The following SLC10A7 variants were observed in gnomAD, a reference collection of about 807,000 sequenced individuals.
SLC10A7 encodes sodium/bile acid cotransporter 7.
In SLC10A7, 29 loss-of-function variants were observed where a neutral mutation model predicts 43.2. That is an observed-to-expected ratio of 0.67 (90% CI 0.50 to 0.92). SLC10A7 has a LOEUF of 0.92. Among genes scored for constraint, SLC10A7 ranks in the 40% least tolerant of loss-of-function variants. SLC10A7 has a pLI of 0.00. For missense variants in SLC10A7, 295 were observed against 403.2 expected (o/e 0.73, Z 2.30); for synonymous variants, 152 against 144.8 (o/e 1.05, Z -0.35).
At chr4:146,275,055 C>T (rs915414814) in intron 10 of SLC10A7, among the ~76,000 whole-genome samples, 1 of 152,138 alleles carries the variant, frequency 6.6e-6, no homozygotes, top group African/African-American at 2.4e-5. Flanking sequence ...CTCTAGATGG[C>T]AATAATGAGT....
intron 4 of SLC10A7, among the ~76,000 whole-genome samples, chr4:146,495,776 C>T (rs901239602): frequency 7.3e-5 from 11 of 150,460 alleles, no homozygotes; most frequent in Admixed American, 7.3e-4. Flanking sequence ...AACACACACA[C>T]ACACACACAC....
At chr4:146,516,698 G>T (rs6815417) in intron 2 of SLC10A7, among the ~76,000 whole-genome samples, 119,318 of 151,814 alleles carry the variant, frequency 0.79, 47,244 homozygotes, top group East Asian at 0.95. Flanking sequence ...AAACCAAACT[G>T]AACATCAACA....
At chr4:146,472,226 C>A (rs1733628349) in intron 4 of SLC10A7, among the ~76,000 whole-genome samples, 1 of 152,022 alleles carries the variant, frequency 6.6e-6, no homozygotes, top group African/African-American at 2.4e-5. Flanking sequence ...TAAAACAAAT[C>A]AAGTTAAGCG....
chr4:146,320,743 T>G (rs1482349985), intron 6 of SLC10A7, among the ~76,000 whole-genome samples: 8 of 152,064 alleles, frequency 5.3e-5, no homozygotes. Context: ...TGCTAACATT[T>G]TTTTTGGACT....
intron 4 of SLC10A7, among the ~76,000 whole-genome samples, chr4:146,500,584 C>T (rs2150024953): frequency 6.6e-6 from 1 of 152,282 alleles, no homozygotes; most frequent in Non-Finnish European, 1.5e-5. Flanking sequence ...AAATATATTA[C>T]TCCAGCATAC....
intron 10 of SLC10A7, among the ~76,000 whole-genome samples, chr4:146,279,311 C>G (rs17021345): frequency 1.9e-4 from 29 of 151,946 alleles, no homozygotes; most frequent in Non-Finnish European, 3.2e-4. Context: ...ATATTGGAAC[C>G]CTAGATAAGC....
At chr4:146,475,782 A>G (rs1053861813) in intron 4 of SLC10A7, among the ~76,000 whole-genome samples, 70 of 152,346 alleles carry the variant, frequency 4.6e-4, no homozygotes, top group African/African-American at 1.6e-3. Context: ...CACGAACTAA[A>G]AAGATTTTAA....
intron 6 of SLC10A7, among the ~76,000 whole-genome samples, chr4:146,310,288 G>A (rs1030905177): frequency 3.9e-5 from 6 of 152,124 alleles, no homozygotes; most frequent in Non-Finnish European, 8.8e-5. Flanking sequence ...GAACATGTGA[G>A]TGTATGTATC....
chr4:146,481,228 C>T (rs544169575), intron 4 of SLC10A7, among the ~76,000 whole-genome samples: 5 of 152,276 alleles, frequency 3.3e-5, no homozygotes, highest in Admixed American at 6.5e-5. Context: ...CTGGCTAAGC[C>T]ATGCCACCCC....
At chr4:146,475,247 A>C (rs576200612) in intron 4 of SLC10A7, among the ~76,000 whole-genome samples, 64 of 152,312 alleles carry the variant, frequency 4.2e-4, no homozygotes, top group Non-Finnish European at 9.0e-4. Context: ...TATCTTCAGG[A>C]AACCCAGCTT....
intron 1 of SLC10A7, among the ~76,000 whole-genome samples, chr4:146,521,174 G>T (rs1245782021): frequency 6.6e-6 from 1 of 152,002 alleles, no homozygotes; most frequent in Non-Finnish European, 1.5e-5. Flanking sequence ...TCTGAGTTGG[G>T]GGCGGAGGTG....
Position 146,292,928 on chromosome 4 carries a change from C to A in SLC10A7, c.773+1G>T, listed in dbSNP as rs892182157. ...ATAACAAGAGATACCAAATCACTTA[C>A]CTTGTTGAAAAGATGAAAGTTAAAA... On this transcript the variant is annotated splice_donor_variant, in intron 9 of 11. Transcript: ENST00000335472. LOFTEE classifies it high-confidence loss of function. 1.3e-6 allele frequency: 2 copies of A among 1,584,444 alleles called. No homozygotes were observed. Among genetic ancestry groups the A allele is most frequent in the African/African-American group, 1.4e-5 (1 of 74,048 alleles).
At chr4:146,399,568 C>A (rs1358198197) in intron 5 of SLC10A7, among the ~76,000 whole-genome samples, 2 of 152,090 alleles carry the variant, frequency 1.3e-5, no homozygotes, top group Non-Finnish European at 2.9e-5. Flanking sequence ...GAGTTAATGG[C>A]ATCTTGAATT....
intron 5 of SLC10A7, chr4:146,442,145 T>C: frequency 1.0e-6 from 1 of 967,902 alleles, no homozygotes; most frequent in South Asian, 4.8e-5. Context: ...CAAGCCTCTG[T>C]TACATCATTT....
Position 146,345,753 on chromosome 4 carries a change from C to CT in SLC10A7, c.436-19758dup, listed in dbSNP as rs1734577861. On this transcript the variant is annotated intron_variant, in intron 5 of 11. Transcript: ENST00000335472. ...GAAAGGGACCATGCTTATTTTTACT[C>CT]TATCTTGTATTTCCCATACCTAGTG... 2.0e-5 allele frequency among the ~76,000 whole-genome samples: 3 copies of CT among 152,198 alleles called. No homozygotes were observed. In the South Asian group the frequency reaches 6.2e-4, roughly 32 times the overall value.
At chr4:146,402,221 ATATC>A (rs375788579) in intron 5 of SLC10A7, among the ~76,000 whole-genome samples, 1 of 152,146 alleles carries the variant, frequency 6.6e-6, no homozygotes, top group African/African-American at 2.4e-5. Context: ...TATCTATTTT[ATATC>A]TATCTATCTA....
intron 5 of SLC10A7, among the ~76,000 whole-genome samples, chr4:146,380,509 A>T (rs1384887550): frequency 6.6e-6 from 1 of 152,146 alleles, no homozygotes. Flanking sequence ...ATACCTTTTT[A>T]GTTTTAAAAG....
rs1242916094 is a variant in SLC10A7, at chr4:146,445,884, CTCTCT to C, written c.397-3068_397-3064del. ...TTCAAACGCTTCTCTCTTCTCTCTTCTCTCTTCTGTGTGTGTGTGTGTGTGTGTGT... is the reference window on the plus strand; with the variant it reads ...TTCAAACGCTTCTCTCTTCTCTCTTCTCTGTGTGTGTGTGTGTGTGTGTGT... On this transcript the variant is annotated intron_variant, in intron 4 of 11. Coordinates refer to ENST00000335472, the MANE Select transcript of SLC10A7 (RefSeq NM_001029998.6). 8.3e-3 allele frequency among the ~76,000 whole-genome samples: 949 copies of C among 114,700 alleles called. 12 individuals are homozygous for C. The highest frequency in any genetic ancestry group is 0.033 in the Admixed American group (349 of 10,602). 75.2% of individuals were successfully genotyped at this position (114,700 alleles called of 152,430 possible). A position where few individuals can be genotyped will look rare whatever the true frequency, so the allele number is the denominator to read the frequency against.
At chr4:146,383,432 C>T (rs1737775021) in intron 5 of SLC10A7, among the ~76,000 whole-genome samples, 1 of 152,106 alleles carries the variant, frequency 6.6e-6, no homozygotes, top group Admixed American at 6.5e-5. Context: ...ACTTTGTAAT[C>T]TCATTTCATC....
Sources: gnomAD v4.1 joint callset for allele counts (sites outside exome capture counted in the v4.1 genomes callset) on GRCh38, gnomAD v4.1.1 for gene constraint, MANE v1.5 for transcripts, NCBI Gene and HGNC (gene_info 2026-07-23, HGNC 2026-07-21) for gene names.